Variants in KCNH7 observed in about 807,000 individuals in gnomAD.
KCNH7 encodes voltage-gated inwardly rectifying potassium channel KCNH7.
KCNH7 carries 49 observed loss-of-function variants against 120.8 expected under a neutral mutation model. The ratio of observed to expected loss-of-function variants is 0.41; its 90% confidence interval spans 0.32 to 0.51. The LOEUF (loss-of-function observed/expected upper bound fraction) is 0.51, where lower values mean the gene tolerates loss of function less well. KCNH7 is among the 20% of genes least tolerant of loss of function. The probability of loss-of-function intolerance (pLI) is 0.38; values close to 1 mark genes in which losing one functional copy is unlikely to be tolerated. For missense variants in KCNH7, 1,097 were observed against 1,446.6 expected, an observed-to-expected ratio of 0.76 and a Z score of 3.92; for synonymous variants, 547 against 516.1, an observed-to-expected ratio of 1.06 and a Z score of -0.81.
chr2:162,495,300 G>C (rs1690459521), intron 6 of KCNH7, among the ~76,000 whole-genome samples: 1 of 152,120 alleles, frequency 6.6e-6, no homozygotes, highest in South Asian at 2.1e-4. Context: ...TCCCTGTACA[G>C]GGTTCCTAAC....
chr2:162,488,066 C>G (rs1269471569), intron 6 of KCNH7, among the ~76,000 whole-genome samples: 6 of 152,186 alleles, frequency 3.9e-5, no homozygotes, highest in Non-Finnish European at 1.5e-5. Flanking sequence ...GAAACTCTCT[C>G]CCTGTGCTTC....
chr2:162,451,733 ATATGTTCTCTCC>A (rs1159473427), intron 6 of KCNH7, among the ~76,000 whole-genome samples: 1 of 151,988 alleles, frequency 6.6e-6, no homozygotes, highest in Non-Finnish European at 1.5e-5. Context: ...AAATAAATAG[ATATGTTCTCTCC>A]TATGGTCTCT....
intron 2 of KCNH7, among the ~76,000 whole-genome samples, chr2:162,760,956 T>C (rs192936488): frequency 2.0e-5 from 3 of 152,252 alleles, no homozygotes; most frequent in Admixed American, 2.0e-4. Flanking sequence ...CTAATTACAA[T>C]TGCTCTATCA....
In KCNH7 at chr2:162,690,234, G is replaced by A. The variant is rs150615465; in HGVS notation, c.307+146303C>T. 5.3e-3 allele frequency among the ~76,000 whole-genome samples: 809 copies of A among 152,176 alleles called. 7 individuals are homozygous for A. The highest frequency in any genetic ancestry group is 0.019 in the African/African-American group (779 of 41,540). On this transcript the variant is annotated intron_variant, in intron 2 of 15. Coordinates refer to ENST00000332142, the MANE Select transcript of KCNH7 (RefSeq NM_033272.4). ...ACACACGCTGACCTTTCAGAGGGTGGAAAGTGGAAAGAGGAAGAGAATCAG... is the reference window on the plus strand; with the variant it reads ...ACACACGCTGACCTTTCAGAGGGTGAAAAGTGGAAAGAGGAAGAGAATCAG...
chr2:162,496,434 A>T (rs1310530019), intron 6 of KCNH7, among the ~76,000 whole-genome samples: 1 of 152,114 alleles, frequency 6.6e-6, no homozygotes, highest in African/African-American at 2.4e-5. Context: ...CCTGGAATTC[A>T]TGCCTTATAC....
chr2:162,706,804 T>C (rs1021808074), intron 2 of KCNH7, among the ~76,000 whole-genome samples: 1 of 152,130 alleles, frequency 6.6e-6, no homozygotes, highest in Admixed American at 6.6e-5. Context: ...AAAATAATAA[T>C]GTTAAAATTG....
intron 2 of KCNH7, among the ~76,000 whole-genome samples, chr2:162,765,071 G>A (rs1052810734): frequency 1.3e-5 from 2 of 152,066 alleles, no homozygotes; most frequent in African/African-American, 4.8e-5. Flanking sequence ...AGAAGGGTAA[G>A]GAAGGAGGAA....
intron 2 of KCNH7, among the ~76,000 whole-genome samples, chr2:162,611,749 A>G (rs1243165341): frequency 6.6e-6 from 1 of 152,168 alleles, no homozygotes; most frequent in Admixed American, 6.6e-5. Context: ...AGCTATATAC[A>G]CTGAGGAAGA....
At chr2:162,464,600 C>T (rs1468454779) in intron 6 of KCNH7, among the ~76,000 whole-genome samples, 1 of 151,978 alleles carries the variant, frequency 6.6e-6, no homozygotes, top group Non-Finnish European at 1.5e-5. Flanking sequence ...CATTTGACAT[C>T]TTACTGTTAG....
chr2:162,825,303 A>T (rs959435131), intron 2 of KCNH7, among the ~76,000 whole-genome samples: 2 of 152,056 alleles, frequency 1.3e-5, no homozygotes, highest in Admixed American at 6.6e-5. Flanking sequence ...ATGGGAAAAT[A>T]AATTGCCTCA....
chr2:162,793,795 G>A (rs1684040700), intron 2 of KCNH7, among the ~76,000 whole-genome samples: 1 of 151,932 alleles, frequency 6.6e-6, no homozygotes, highest in African/African-American at 2.4e-5. Context: ...GAAAAGCTCT[G>A]GAGATCTATT....
intron 2 of KCNH7, among the ~76,000 whole-genome samples, chr2:162,637,863 G>A (rs1428077928): frequency 6.6e-6 from 1 of 152,062 alleles, no homozygotes; most frequent in Non-Finnish European, 1.5e-5. Context: ...AAAAGTTGTA[G>A]TGTGTTACAT....
intron 2 of KCNH7, among the ~76,000 whole-genome samples, chr2:162,802,108 A>G (rs576894598): frequency 6.6e-6 from 1 of 151,744 alleles, no homozygotes; most frequent in Admixed American, 6.6e-5. Flanking sequence ...GTGAGGTTGG[A>G]AAATTTGCAT....
At chr2:162,709,308 G>C (rs945663599) in intron 2 of KCNH7, among the ~76,000 whole-genome samples, 12 of 152,000 alleles carry the variant, frequency 7.9e-5, no homozygotes, top group African/African-American at 2.7e-4. Flanking sequence ...AGAAAGTATA[G>C]AACAATAATG....
At chr2:162,604,563 A>AT (rs1301215950) in intron 2 of KCNH7, among the ~76,000 whole-genome samples, 1 of 151,956 alleles carries the variant, frequency 6.6e-6, no homozygotes, top group African/African-American at 2.4e-5. Context: ...CTTTATAGGC[A>AT]ATATACCCCA....
At chr2:162,704,459 T>G (rs1305272413) in intron 2 of KCNH7, among the ~76,000 whole-genome samples, 1 of 152,216 alleles carries the variant, frequency 6.6e-6, no homozygotes, top group African/African-American at 2.4e-5. Flanking sequence ...AACATTTGAT[T>G]GTATAGAAAT....
At chr2:162,608,955 C>A (rs1682870677) in intron 2 of KCNH7, among the ~76,000 whole-genome samples, 1 of 152,152 alleles carries the variant, frequency 6.6e-6, no homozygotes, top group Non-Finnish European at 1.5e-5. Context: ...AAGTGCTATT[C>A]CCTTTGAATA....
chr2:162,446,749 A>T (rs1688594648), intron 6 of KCNH7, among the ~76,000 whole-genome samples: 2 of 152,146 alleles, frequency 1.3e-5, no homozygotes. Context: ...TACATCTCAG[A>T]TGTAAAAATA....
intron 2 of KCNH7, among the ~76,000 whole-genome samples, chr2:162,644,441 C>A (rs896630602): frequency 6.6e-6 from 1 of 152,080 alleles, no homozygotes; most frequent in African/African-American, 2.4e-5. Flanking sequence ...CCCTTAGTTT[C>A]TATCACAACA....
Sources: gnomAD v4.1 joint callset for allele counts (sites outside exome capture counted in the v4.1 genomes callset) on GRCh38, gnomAD v4.1.1 for gene constraint, MANE v1.5 for transcripts, NCBI Gene and HGNC (gene_info 2026-07-23, HGNC 2026-07-21) for gene names.